Variants in DNAH17 observed in about 807,000 individuals in gnomAD.
DNAH17 encodes dynein axonemal heavy chain 17.
Under a neutral mutation model 485.6 loss-of-function variants are expected in DNAH17, and 376 were observed. That is an observed-to-expected ratio of 0.77 (90% CI 0.71 to 0.84). The LOEUF (loss-of-function observed/expected upper bound fraction) is 0.84, where lower values mean the gene tolerates loss of function less well. Among genes scored for constraint, DNAH17 ranks in the 40% least tolerant of loss-of-function variants. The pLI, the probability that DNAH17 is intolerant of heterozygous loss-of-function variation, is 0.00. For synonymous variants in DNAH17, 3,031 were observed against 2,405.9 expected (o/e 1.26, Z -7.60); for missense variants, 6,370 against 5,839.3 (o/e 1.09, Z -2.96).
At chr17:78,500,810 G>A in intron 35 of DNAH17, 1 of 223,184 alleles carries the variant, frequency 4.5e-6, no homozygotes, top group Non-Finnish European at 8.8e-6. Flanking sequence ...GAGACACATG[G>A]GAGAGGGCAG....
Position 78,566,648 on chromosome 17 carries a change from AATCCTTGGCAAAAG to A in DNAH17, c.1521_1534del (p.Phe508Ter). ...GGACTTGATACAGCTGCAGTCATCA[AATCCTTGGCAAAAG>A]ATCGTGGCCAGCCTCCTATCCAGGT... On this transcript the variant is annotated frameshift_variant, in exon 11 of 81. Transcript: ENST00000389840. LOFTEE classifies it high-confidence loss of function. The A allele has an allele frequency of 1.2e-6, 2 of 1,610,696 alleles. No homozygotes were observed. The highest frequency in any genetic ancestry group is 1.7e-6 in the Non-Finnish European group (2 of 1,178,558).
chr17:78,572,209 A>G (rs374295943), intron 3 of DNAH17, among the ~76,000 whole-genome samples: 1 of 151,968 alleles, frequency 6.6e-6, no homozygotes, highest in African/African-American at 2.4e-5. Context: ...GCGGTTGCAA[A>G]TTGTGGCAAG....
intron 11 of DNAH17, among the ~76,000 whole-genome samples, chr17:78,565,037 T>C (rs1474988800): frequency 1.3e-5 from 2 of 152,218 alleles, no homozygotes; most frequent in African/African-American, 4.8e-5. Context: ...CCTAACCTGC[T>C]TCCAGCTAGA....
chr17:78,539,604 T>C (rs2091466963), intron 18 of DNAH17, 133 bp downstream of exon 18: 1 of 833,408 alleles, frequency 1.2e-6, no homozygotes, highest in Non-Finnish European at 1.7e-6. Flanking sequence ...CCAGGTCAAG[T>C]AGATTGCATA....
chr17:78,449,751 C>T (rs1328065201), intron 68 of DNAH17, 167 bp from the exon 69 acceptor site: 2 of 644,184 alleles, frequency 3.1e-6, no homozygotes, highest in East Asian at 2.8e-5. Context: ...GATCTTGGCT[C>T]ACTGCACCCT....
At chr17:78,458,488 T>A in intron 62 of DNAH17, 77 bp downstream of exon 62, 1 of 1,291,972 alleles carries the variant, frequency 7.7e-7, no homozygotes, top group Non-Finnish European at 1.1e-6. Flanking sequence ...CTCCTCTTCC[T>A]CCCAAGGCAG....
At chr17:78,497,799 G>A (rs557221025) in intron 37 of DNAH17, among the ~76,000 whole-genome samples, 6 of 152,326 alleles carry the variant, frequency 3.9e-5, no homozygotes, top group African/African-American at 1.4e-4. Context: ...GGAGGCAGAG[G>A]GAGTCCACAT....
chr17:78,517,741 T>C (rs537057894), intron 25 of DNAH17, among the ~76,000 whole-genome samples: 2 of 152,358 alleles, frequency 1.3e-5, no homozygotes, highest in Non-Finnish European at 2.9e-5. Context: ...CTTTAAAAAG[T>C]TGTCAGTTCT....
chr17:78,467,173 C>T (rs930781482), intron 55 of DNAH17, among the ~76,000 whole-genome samples: 2 of 152,210 alleles, frequency 1.3e-5, no homozygotes, highest in Admixed American at 6.5e-5. Context: ...GAAGGGTCCC[C>T]GCTGGGCCCT....
At chr17:78,485,091 G>A (rs2089539274) in intron 47 of DNAH17, 58 bp from the exon 48 acceptor site, 3 of 1,522,706 alleles carry the variant, frequency 2.0e-6, no homozygotes, top group South Asian at 1.3e-5. Flanking sequence ...AGCCTGTTAG[G>A]TAGGGAGGGG....
At chr17:78,565,178 TC>T (rs35569691) in intron 11 of DNAH17, among the ~76,000 whole-genome samples, 67,751 of 152,066 alleles carry the variant, frequency 0.45, 15,732 homozygotes, top group African/African-American at 0.56. Context: ...AAAGCTGAGC[TC>T]CCATCGCTCT....
chr17:78,507,514 G>C lies in DNAH17; in HGVS notation c.4528C>G (p.Arg1510Gly). The stretch of plus-strand genomic sequence containing the variant: ...TGGGAGTCCCCCGGGAGCTGGGTGC[G>C]GATGTCTTCGGAGCCGATGAAGATG... ...ESIFIGSEDI[R>G]TQLPGDSQRF... Residue 1510 changes from arginine (R) to glycine (G), a missense_variant, in exon 28 of 81, where the codon CGC becomes GGC. Physicochemically the swap from Arg to Gly is moderately radical, Grantham distance 125. Coordinates refer to ENST00000389840, the MANE Select transcript of DNAH17 (RefSeq NM_173628.4). 1.2e-6 allele frequency: 2 copies of C among 1,613,788 alleles called. No homozygotes were observed. Among genetic ancestry groups the C allele is most frequent in the Non-Finnish European group, 1.7e-6 (2 of 1,179,680 alleles).
Position 78,552,720 on chromosome 17 carries a change from G to C in DNAH17, c.2264C>G (p.Thr755Arg), listed in dbSNP as rs143881549. Residue 755 changes from threonine (T) to arginine (R), a missense_variant, in exon 15 of 81, where the codon ACG (threonine) becomes AGG (arginine). Physicochemically the swap from Thr to Arg is moderately conservative, Grantham distance 71. Transcript: ENST00000389840. ...AIDVKLLSAETTLFWNGEGVF... is the reference protein window; with the variant it reads ...AIDVKLLSAERTLFWNGEGVF... ...ACCTTCGCCATTCCAGAATAATGTC[G>C]TTTCAGCGCTCAATAACTTGACATC... The C allele has an allele frequency of 1.2e-5, 19 of 1,613,712 alleles. No individual in the cohort carries two copies. The highest frequency in any genetic ancestry group is 1.7e-5 in the Admixed American group (1 of 59,996).
intron 77 of DNAH17, 192 bp downstream of exon 77, chr17:78,428,333 G>T: frequency 1.5e-6 from 1 of 678,640 alleles, no homozygotes; most frequent in Non-Finnish European, 2.6e-6. Context: ...GAAGCCTGCA[G>T]CTGCCACGTC....
At chr17:78,484,744 C>CCTGCCG in intron 48 of DNAH17, 124 bp downstream of exon 48, 2 of 428,268 alleles carry the variant, frequency 4.7e-6, no homozygotes, top group Non-Finnish European at 3.7e-6. Flanking sequence ...GCAGCACCCC[C>CCTGCCG]CCCACCGCCC....
Position 78,506,752 on chromosome 17 carries a change from C to G in DNAH17, c.4771G>C (p.Asp1591His). Residue 1591 changes from aspartate to histidine, a missense_variant, in exon 30 of 81, where the codon GAC becomes CAC. By Grantham distance (81) the Asp-to-His change is moderately conservative. Transcript: ENST00000389840. ...FYFVSSADLL[D>H]ILSNGNDPVE... ...GGGTCATTGCCATTGGAGAGAATGT[C>G]CAGGAGGTCAGCCGAGGAGACAAAA... 1 of 1,613,968 alleles carries G rather than the reference C, an allele frequency of 6.2e-7. No homozygotes were observed. The highest frequency in any genetic ancestry group is 8.5e-7 in the Non-Finnish European group (1 of 1,179,876).
Position 78,485,559 on chromosome 17 carries a change from T to C in DNAH17, c.7474A>G (p.Met2492Val), listed in dbSNP as rs1267977898. The change falls in exon 47 of 81, where the codon ATG becomes GTG. Residue 2492 changes from methionine to valine, a missense_variant. Met to Val is a conservative substitution (Grantham distance 21, BLOSUM62 1). Coordinates refer to ENST00000389840, the MANE Select transcript of DNAH17 (RefSeq NM_173628.4). ...VPFNFYTTSA[M>V]LQGVLEKPLE... is the part of the protein sequence containing the mutation. The stretch of plus-strand genomic sequence containing the variant: ...GCCGGACCAGCCTCACCCTGCAGCA[T>C]GGCTGAGGTCGTGTAGAAGTTGAAG... 3 of 1,609,692 alleles carry C rather than the reference T, an allele frequency of 1.9e-6. No individual in the cohort carries two copies. The highest frequency in any genetic ancestry group is 2.5e-6 in the Non-Finnish European group (3 of 1,178,272).
intron 48 of DNAH17, among the ~76,000 whole-genome samples, chr17:78,483,651 TAATAATAAC>T (rs1201994140): frequency 1.3e-5 from 1 of 74,554 alleles, no homozygotes; most frequent in Non-Finnish European, 2.8e-5. Flanking sequence ...ATAATAATAA[TAATAATAAC>T]CCAGCTCCGC....
Position 78,494,958 on chromosome 17 carries a change from C to A in DNAH17, c.6042+1G>T. ...CGCCGTGAGCTCCAGGACACACACA[C>A]CTGCTTCGAGAGCAGCTCCTTGCAC... On this transcript the variant is annotated splice_donor_variant, in intron 39 of 80. Transcript: ENST00000389840. LOFTEE classifies it high-confidence loss of function. 6.2e-7 allele frequency: 1 copy of A among 1,610,928 alleles called. No homozygotes were observed. Among genetic ancestry groups the A allele is most frequent in the East Asian group, 2.2e-5 (1 of 44,810 alleles).
Sources: allele counts gnomAD v4.1 joint callset (sites outside exome capture counted in the v4.1 genomes callset), GRCh38; gene constraint gnomAD v4.1.1; transcripts MANE v1.5; gene names NCBI Gene and HGNC (gene_info 2026-07-23, HGNC 2026-07-21).